Variants in LRRC49 observed in about 807,000 individuals in gnomAD.
LRRC49 encodes leucine rich repeat containing 49, also known as leucine-rich repeat-containing protein 49.
A neutral mutation model predicts 83.3 loss-of-function variants in LRRC49; 50 were observed. The ratio of observed to expected loss-of-function variants is 0.60; its 90% CI spans 0.48 to 0.76. The LOEUF (loss-of-function observed/expected upper bound fraction) is 0.76, where lower values mean the gene tolerates loss of function less well. Among genes scored for constraint, LRRC49 ranks in the 30% least tolerant of loss-of-function variants. The probability of loss-of-function intolerance (pLI) is 0.00; values close to 1 mark genes in which losing one functional copy is unlikely to be tolerated. For synonymous variants in LRRC49, 286 were observed against 283.3 expected, an observed-to-expected ratio of 1.01 and a Z score of -0.10; for missense variants, 704 against 809.1, an observed-to-expected ratio of 0.87 and a Z score of 1.58.
At chr15:70,931,122 C>T (rs1353522443) in intron 7 of LRRC49, among the ~76,000 whole-genome samples, 1 of 152,116 alleles carries the variant, frequency 6.6e-6, no homozygotes, top group Non-Finnish European at 1.5e-5. Flanking sequence ...CTAAGCTTAA[C>T]CATTTCTAGC....
chr15:70,964,666 G>T (rs2036731162), intron 9 of LRRC49, among the ~76,000 whole-genome samples: 1 of 152,110 alleles, frequency 6.6e-6, no homozygotes, highest in Non-Finnish European at 1.5e-5. Flanking sequence ...TAGGATCCAA[G>T]AAGTTCTGTA....
intron 9 of LRRC49, among the ~76,000 whole-genome samples, chr15:70,964,571 ATG>A (rs1171313052): frequency 1.3e-5 from 2 of 152,100 alleles, no homozygotes; most frequent in African/African-American, 4.8e-5. Context: ...CTACACTTAG[ATG>A]TTTTAATATG....
chr15:70,957,075 T>C (rs1229372193), intron 8 of LRRC49, among the ~76,000 whole-genome samples: 8 of 152,226 alleles, frequency 5.3e-5, no homozygotes, highest in Admixed American at 4.6e-4. Context: ...AAAAAAGTGC[T>C]TTGTATTTAA....
intron 9 of LRRC49, among the ~76,000 whole-genome samples, chr15:70,978,694 A>C (rs28529140): frequency 0.029 from 4,428 of 152,254 alleles, 214 homozygotes; most frequent in African/African-American, 0.1. Flanking sequence ...GGTTTTAATA[A>C]ATTACTGAAC....
At chr15:70,877,889 G>A (rs1474755034) in intron 2 of LRRC49, among the ~76,000 whole-genome samples, 1 of 152,186 alleles carries the variant, frequency 6.6e-6, no homozygotes, top group Non-Finnish European at 1.5e-5. Context: ...CAGCACTTTG[G>A]GAGGCTGAGG....
intron 3 of LRRC49, chr15:70,900,719 C>A: frequency 1.9e-6 from 1 of 523,990 alleles, no homozygotes; most frequent in Non-Finnish European, 3.5e-6. Context: ...AATTATTTGG[C>A]ATACATGGAA....
chr15:70,958,859 G>A (rs1423252166), intron 8 of LRRC49, among the ~76,000 whole-genome samples: 1 of 152,162 alleles, frequency 6.6e-6, no homozygotes, highest in Non-Finnish European at 1.5e-5. Flanking sequence ...TACCTTGAGT[G>A]TGAGGAAAAC....
chr15:70,858,217 C>G (rs550025810), intron 1 of LRRC49, among the ~76,000 whole-genome samples: 19 of 152,340 alleles, frequency 1.2e-4, no homozygotes, highest in African/African-American at 4.6e-4. Flanking sequence ...CAGAGCCAAC[C>G]TAATCCTGAA....
chr15:70,980,007 C>G (rs2037342481), intron 9 of LRRC49, 94 bp from the exon 10 acceptor site: 1 of 718,970 alleles, frequency 1.4e-6, no homozygotes, highest in Admixed American at 2.8e-5. Flanking sequence ...TACTATGCCT[C>G]TCAAGAAGAA....
chr15:71,052,214 G>A lies in LRRC49; in HGVS notation c.*2602G>A, dbSNP rs1482819387. On this transcript the variant is annotated 3_prime_UTR_variant, in exon 16 of 16. Coordinates refer to ENST00000260382, the MANE Select transcript of LRRC49 (RefSeq NM_017691.5). ...CCAGGGTTTTCAGGGAAGGGGAAGA[G>A]ATGCAAATCCCATAGTCTGAGACTC... 1 of 152,212 alleles carries A rather than the reference G, an allele frequency of 6.6e-6. No individual in the cohort carries two copies. Among genetic ancestry groups the A allele is most frequent in the African/African-American group, 2.4e-5 (1 of 41,430 alleles). The allele number at this position is 152,212 out of a possible 1,614,324, so 9.4% of individuals were successfully genotyped here. A position where few individuals can be genotyped will look rare whatever the true frequency, so the allele number is the denominator to read the frequency against.
chr15:70,924,541 C>T (rs1219848724), intron 7 of LRRC49, among the ~76,000 whole-genome samples: 1 of 151,954 alleles, frequency 6.6e-6, no homozygotes. Flanking sequence ...ACCTTAGAAT[C>T]ATTTAATACA....
chr15:70,873,504 G>A (rs1178051809), intron 2 of LRRC49, among the ~76,000 whole-genome samples: 1 of 152,118 alleles, frequency 6.6e-6, no homozygotes, highest in Non-Finnish European at 1.5e-5. Context: ...CAGTTGCATG[G>A]GCTGACTGGG....
chr15:70,886,489 G>A (rs1734153639), intron 2 of LRRC49, among the ~76,000 whole-genome samples: 3 of 152,020 alleles, frequency 2.0e-5, no homozygotes, highest in African/African-American at 7.3e-5. Flanking sequence ...GCAGAGGAAG[G>A]GAATAATGAA....
intron 15 of LRRC49, 80 bp from the exon 16 acceptor site, chr15:71,049,329 T>C: frequency 1.1e-6 from 1 of 898,270 alleles, no homozygotes; most frequent in East Asian, 2.6e-5. Flanking sequence ...TTATTTCAAT[T>C]TTCTGTGGTT....
intron 2 of LRRC49, among the ~76,000 whole-genome samples, chr15:70,876,539 G>A (rs1270721416): frequency 6.6e-6 from 1 of 152,126 alleles, no homozygotes; most frequent in Non-Finnish European, 1.5e-5. Context: ...AGGTTTCTCA[G>A]GCAACTCATT....
At chr15:70,948,997 G>T (rs776005456) in intron 8 of LRRC49, among the ~76,000 whole-genome samples, 10 of 152,182 alleles carry the variant, frequency 6.6e-5, no homozygotes, top group Non-Finnish European at 1.2e-4. Context: ...AAATGAATGG[G>T]CAGAGCTGTG....
intron 8 of LRRC49, among the ~76,000 whole-genome samples, chr15:70,952,723 G>A (rs955008963): frequency 2.0e-5 from 3 of 152,174 alleles, no homozygotes; most frequent in Admixed American, 6.5e-5. Flanking sequence ...AATGCTATTA[G>A]TGGGGGTTGA....
chr15:70,950,734 CT>C (rs1219207080), intron 8 of LRRC49, among the ~76,000 whole-genome samples: 4 of 152,134 alleles, frequency 2.6e-5, no homozygotes, highest in African/African-American at 9.7e-5. Flanking sequence ...TTGGTAGTTT[CT>C]TTTGCTGTGC....
At chr15:70,928,720 C>A (rs1466561451) in intron 7 of LRRC49, among the ~76,000 whole-genome samples, 3 of 152,102 alleles carry the variant, frequency 2.0e-5, no homozygotes, top group African/African-American at 7.2e-5. Flanking sequence ...TGTGCACTAC[C>A]ATGCCTGGCT....
Sources: allele counts gnomAD v4.1 joint callset (sites outside exome capture counted in the v4.1 genomes callset), GRCh38; gene constraint gnomAD v4.1.1; transcripts MANE v1.5; gene names NCBI Gene and HGNC (gene_info 2026-07-23, HGNC 2026-07-21).